The following PTPRK variants were observed in gnomAD, a reference collection of about 807,000 sequenced individuals.
The protein encoded by PTPRK is receptor-type tyrosine-protein phosphatase kappa.
In PTPRK, 75 loss-of-function variants were observed where a neutral mutation model predicts 178.0. The observed-to-expected ratio is 0.42, with a 90% confidence interval of 0.35 to 0.51. The LOEUF (loss-of-function observed/expected upper bound fraction) is 0.51, where lower values mean the gene tolerates loss of function less well. PTPRK is among the 20% of genes least tolerant of loss of function. PTPRK has a pLI of 0.02. For missense variants in PTPRK, 1,441 were observed against 1,797.8 expected, an observed-to-expected ratio of 0.80 and a Z score of 3.59; for synonymous variants, 637 against 620.6, an observed-to-expected ratio of 1.03 and a Z score of -0.39.
chr6:127,970,177 A>C lies in PTPRK; in HGVS notation c.*50T>G, dbSNP rs750897555. On this transcript the variant is annotated 3_prime_UTR_variant, in exon 30 of 30. Coordinates refer to ENST00000368226, the MANE Select transcript of PTPRK (RefSeq NM_002844.4). ...TAACAGGTACAACAGCTGCTGGCTC[A>C]ATAGATGGACAGGTTTCTTCATGGA... 3 of 1,459,616 alleles carry C rather than the reference A, an allele frequency of 2.1e-6. No homozygotes were observed. Among genetic ancestry groups the C allele is most frequent in the South Asian group, 1.2e-5 (1 of 83,730 alleles). 90.4% of individuals were successfully genotyped at this position (1,459,616 alleles called of 1,614,324 possible).
intron 2 of PTPRK, among the ~76,000 whole-genome samples, chr6:128,363,251 G>C (rs933245938): frequency 2.0e-5 from 3 of 151,964 alleles, no homozygotes; most frequent in Non-Finnish European, 4.4e-5. Flanking sequence ...ATAAGGCTTC[G>C]GAACACCCAT....
chr6:128,330,602 A>T (rs868724405), intron 2 of PTPRK, among the ~76,000 whole-genome samples: 15 of 152,164 alleles, frequency 9.9e-5, no homozygotes, highest in African/African-American at 3.4e-4. Flanking sequence ...TCTCAGGAGG[A>T]CAAATAGAAT....
At chr6:128,216,522 G>A (rs1331337730) in intron 6 of PTPRK, among the ~76,000 whole-genome samples, 2 of 148,184 alleles carry the variant, frequency 1.3e-5, no homozygotes, top group East Asian at 2.0e-4. Context: ...GTGACAGAGC[G>A]AGATTCTGTC....
chr6:128,492,137 C>A (rs1011863194), intron 1 of PTPRK, among the ~76,000 whole-genome samples: 7 of 152,120 alleles, frequency 4.6e-5, no homozygotes, highest in Admixed American at 4.6e-4. Flanking sequence ...ATCTCTATTA[C>A]AGAATCTTCA....
At chr6:128,506,705 C>A (rs996938411) in intron 1 of PTPRK, among the ~76,000 whole-genome samples, 9 of 148,406 alleles carry the variant, frequency 6.1e-5, no homozygotes, top group Non-Finnish European at 1.4e-4. Context: ...ACTGTAACCT[C>A]TAACATAAAA....
intron 3 of PTPRK, among the ~76,000 whole-genome samples, chr6:128,310,863 A>G (rs1351888975): frequency 6.6e-6 from 1 of 152,186 alleles, no homozygotes; most frequent in East Asian, 1.9e-4. Context: ...TGGACACAGA[A>G]CTTGTCCGAC....
intron 7 of PTPRK, among the ~76,000 whole-genome samples, chr6:128,135,114 A>ACACACACACACACTCT (rs1175958889): frequency 2.7e-5 from 4 of 149,762 alleles, no homozygotes; most frequent in African/African-American, 9.8e-5. Flanking sequence ...ACACACACAC[A>ACACACACACACACTCT]CTCTCCTAAT....
intron 3 of PTPRK, among the ~76,000 whole-genome samples, chr6:128,290,289 G>A (rs1823172517): frequency 6.6e-6 from 1 of 152,026 alleles, no homozygotes; most frequent in South Asian, 2.1e-4. Flanking sequence ...AGCAGACTTT[G>A]TCAGTATTTG....
At chr6:128,099,196 A>T (rs61051329) in intron 7 of PTPRK, among the ~76,000 whole-genome samples, 18,973 of 149,506 alleles carry the variant, frequency 0.13, 1,817 homozygotes, top group East Asian at 0.31. Flanking sequence ...ATATATATAT[A>T]TTTTTTCTTT....
intron 24 of PTPRK, 55 bp downstream of exon 24, chr6:127,982,770 TTCCTAG>T: frequency 6.8e-7 from 1 of 1,464,724 alleles, no homozygotes. Flanking sequence ...CTTGAAAGGA[TTCCTAG>T]CGCCCAGAAC....
chr6:128,348,663 T>A (rs951454156), intron 2 of PTPRK, among the ~76,000 whole-genome samples: 1 of 152,054 alleles, frequency 6.6e-6, no homozygotes, highest in Admixed American at 6.6e-5. Flanking sequence ...TGAGAAGTTT[T>A]ACTGGAAATA....
At chr6:128,277,551 C>G (rs558236329) in intron 3 of PTPRK, among the ~76,000 whole-genome samples, 1 of 152,242 alleles carries the variant, frequency 6.6e-6, no homozygotes, top group South Asian at 2.1e-4. Context: ...CTGACCCTGA[C>G]TCTCGAAACA....
chr6:127,996,230 A>G (rs905021258), intron 17 of PTPRK, among the ~76,000 whole-genome samples: 2 of 152,104 alleles, frequency 1.3e-5, no homozygotes, highest in Non-Finnish European at 2.9e-5. Flanking sequence ...AGGCACGTGG[A>G]AAGAATAACA....
chr6:128,394,970 A>G (rs1840092457), intron 2 of PTPRK, among the ~76,000 whole-genome samples: 1 of 152,162 alleles, frequency 6.6e-6, no homozygotes, highest in Non-Finnish European at 1.5e-5. Flanking sequence ...CAGCTTTTAT[A>G]GAGTTCCCAA....
intron 5 of PTPRK, among the ~76,000 whole-genome samples, chr6:128,221,537 AT>A (rs199764312): frequency 0.011 from 1,697 of 149,530 alleles, 34 homozygotes; most frequent in African/African-American, 0.038. Flanking sequence ...AAAAAAAAAA[AT>A]AATAATAATA....
At chr6:128,484,118 G>T (rs1852480304) in intron 1 of PTPRK, among the ~76,000 whole-genome samples, 1 of 151,824 alleles carries the variant, frequency 6.6e-6, no homozygotes. Context: ...ACACCTTATG[G>T]TTACCACGTG....
At chr6:128,232,795 T>C (rs939839419) in intron 5 of PTPRK, among the ~76,000 whole-genome samples, 3 of 152,252 alleles carry the variant, frequency 2.0e-5, no homozygotes, top group Non-Finnish European at 4.4e-5. Flanking sequence ...TATTTTAATA[T>C]TTCAGAAGTG....
At chr6:128,454,820 C>A (rs1265465520) in intron 1 of PTPRK, among the ~76,000 whole-genome samples, 1 of 152,052 alleles carries the variant, frequency 6.6e-6, no homozygotes, top group Non-Finnish European at 1.5e-5. Context: ...GTTTACTCAG[C>A]TATTTTGCTT....
chr6:128,014,462 T>A (rs1326099831), intron 13 of PTPRK, among the ~76,000 whole-genome samples: 1 of 143,238 alleles, frequency 7.0e-6, no homozygotes, highest in Non-Finnish European at 1.5e-5. Context: ...ATAAAAAAAA[T>A]TAATAACATT....
Sources: allele counts gnomAD v4.1 joint callset (sites outside exome capture counted in the v4.1 genomes callset), GRCh38; gene constraint gnomAD v4.1.1; transcripts MANE v1.5; gene names NCBI Gene and HGNC (gene_info 2026-07-23, HGNC 2026-07-21).